RRP7A: variants seen among roughly 807,000 people sequenced by gnomAD.
RRP7A encodes the protein ribosomal RNA processing 7 homolog A, also known as ribosomal RNA-processing protein 7 homolog A.
RRP7A carries 27 observed loss-of-function variants against 38.4 expected under a neutral mutation model. That is an observed-to-expected ratio of 0.70 (90% CI 0.52 to 0.97). The LOEUF (loss-of-function observed/expected upper bound fraction) is 0.97. Ranked by LOEUF, RRP7A falls within the 50% of genes least tolerant of loss-of-function variation. RRP7A has a pLI of 0.00. For missense variants in RRP7A, 327 were observed against 375.4 expected (o/e 0.87, Z 1.07); for synonymous variants, 124 against 150.3 (o/e 0.83, Z 1.28).
intron 1 of RRP7A, 50 bp downstream of exon 1, chr22:42,519,664 C>G: frequency 7.1e-7 from 1 of 1,410,458 alleles, no homozygotes; most frequent in Non-Finnish European, 9.3e-7. Flanking sequence ...CCCCAAACAC[C>G]TCCCGGCGAT....
chr22:42,513,900 C>A (rs1292859520), intron 6 of RRP7A, among the ~76,000 whole-genome samples: 1 of 151,996 alleles, frequency 6.6e-6, no homozygotes, highest in Non-Finnish European at 1.5e-5. Context: ...ATGCATCTGC[C>A]CCTAGGGGGT....
intron 2 of RRP7A, among the ~76,000 whole-genome samples, chr22:42,517,217 G>A (rs1309353066): frequency 6.6e-6 from 1 of 151,864 alleles, no homozygotes; most frequent in Non-Finnish European, 1.5e-5. Flanking sequence ...AGCGGAGGTT[G>A]CAGTGAGTTG....
intron 2 of RRP7A, among the ~76,000 whole-genome samples, chr22:42,517,711 G>C (rs955696059): frequency 6.6e-6 from 1 of 152,150 alleles, no homozygotes; most frequent in African/African-American, 2.4e-5. Context: ...GTAGAGACGG[G>C]ATTTCACCAT....
intron 1 of RRP7A, chr22:42,518,505 G>A (rs1345457251): frequency 4.6e-6 from 2 of 435,468 alleles, no homozygotes; most frequent in East Asian, 6.8e-5. Flanking sequence ...ACCTCTTCTC[G>A]TACCATCTTC....
rs1220237028 is a variant in RRP7A at position 42,510,609 on chromosome 22, C to A, written c.*2301G>T. ...GCGGTTCTAAGATGAACCCCAACAA[C>A]CCCCAACTCCTCACTTTCCAGAGCA... is the stretch of plus-strand genomic sequence containing the variant. On this transcript the variant is annotated 3_prime_UTR_variant, in exon 7 of 7. Coordinates refer to ENST00000323013, the MANE Select transcript of RRP7A (RefSeq NM_015703.5). 4.7e-6 allele frequency: 5 copies of A among 1,071,276 alleles called. No individual in the cohort carries two copies. In the East Asian group the frequency reaches 1.5e-4, roughly 31 times the overall value. The allele number at this position is 1,071,276 out of a possible 1,614,324, so 66.4% of individuals were successfully genotyped here. A position where few individuals can be genotyped will look rare whatever the true frequency, so the allele number is the denominator to read the frequency against.
At position 42,508,658 on chromosome 22, in the gene RRP7A, G is replaced by A. The variant is rs1201614788; in HGVS notation, c.*4252C>T. The stretch of plus-strand genomic sequence containing the variant: ...GGGACAGCGTGAGGTGCAGCCTATG[G>A]ACTGGGAAAGGGGTGTGGAAGGGCC... On this transcript the variant is annotated 3_prime_UTR_variant, in exon 7 of 7. Transcript: ENST00000323013. 6.6e-6 allele frequency among the ~76,000 whole-genome samples: 1 copy of A among 152,224 alleles called. No individual in the cohort carries two copies. Among genetic ancestry groups the A allele is most frequent in the Non-Finnish European group, 1.5e-5 (1 of 68,040 alleles).
chr22:42,513,978 G>A lies in RRP7A; in HGVS notation c.757+128C>T, dbSNP rs73888330. On this transcript the variant is annotated intron_variant, in intron 6 of 6. Transcript: ENST00000323013. ...TTCCACAGAGTCTGGTGCGAGCCCC[G>A]TGCTTAGGGACGCCCTCCCTCCTCG... The A allele has an allele frequency of 0.012, 9,313 of 790,128 alleles. 455 individuals are homozygous for A. In the African/African-American group the frequency reaches 0.13, roughly 11 times the overall value. 48.9% of individuals were successfully genotyped at this position (790,128 alleles called of 1,614,324 possible).
rs1325371354 is a variant in RRP7A at position 42,512,693 on chromosome 22, G to C, written c.*217C>G. On this transcript the variant is annotated 3_prime_UTR_variant, in exon 7 of 7. Transcript: ENST00000323013. ...AGCAGGAAGGACAAGTCCTCCTCTC[G>C]GCACGCCTGGGTCCCCAGGACTGCT... 23 of 611,250 alleles carry C rather than the reference G, an allele frequency of 3.8e-5. No homozygotes were observed. The East Asian group carries it at 5.8e-4, about 15-fold the overall frequency. 37.9% of individuals were successfully genotyped at this position (611,250 alleles called of 1,614,324 possible).
At position 42,509,115 on chromosome 22, in the gene RRP7A, G is replaced by T. The variant is rs775735351; in HGVS notation, c.*3795C>A. 9 of 1,614,162 alleles carry T rather than the reference G, an allele frequency of 5.6e-6. No individual in the cohort carries two copies. The South Asian group carries it at 9.9e-5, about 18-fold the overall frequency. On this transcript the variant is annotated 3_prime_UTR_variant, in exon 7 of 7. Transcript: ENST00000323013. ...GGCCCATGTCCTGTTGATCAAGTGA[G>T]TCTGGACCCATCCCCTTCAGTCACC... is the stretch of plus-strand genomic sequence containing the variant.
intron 6 of RRP7A, among the ~76,000 whole-genome samples, chr22:42,513,746 C>T (rs920079015): frequency 1.4e-4 from 22 of 151,802 alleles, no homozygotes; most frequent in African/African-American, 5.3e-4. Context: ...TACTCTGCAG[C>T]ACCTTCTCTG....
chr22:42,519,517 G>C (rs577101912), intron 1 of RRP7A, among the ~76,000 whole-genome samples, 197 bp downstream of exon 1: 10 of 152,266 alleles, frequency 6.6e-5, no homozygotes, highest in African/African-American at 2.2e-4. Flanking sequence ...CGCCCCGGGA[G>C]AGTGAGCAGG....
In RRP7A at chr22:42,511,245, C is replaced by T. The variant is rs900560838; in HGVS notation, c.*1665G>A. 3 of 151,802 alleles carry T rather than the reference C, an allele frequency of 2.0e-5. No individual in the cohort carries two copies. Among genetic ancestry groups the T allele is most frequent in the African/African-American group, 7.3e-5 (3 of 41,196 alleles). The allele number at this position is 151,802 out of a possible 1,614,324, so 9.4% of individuals were successfully genotyped here. On this transcript the variant is annotated 3_prime_UTR_variant, in exon 7 of 7. Transcript: ENST00000323013. ...AGGCTGGAGTGCAGTGGGAAGATCT[C>T]AGCTTACTGTAACCTCCACCTCCCG... is the stretch of plus-strand genomic sequence containing the variant.
In RRP7A at chr22:42,512,129, T is replaced by C; in HGVS notation, c.*781A>G. ...CCTCCCCTCTCCAGCGGTTCCAGTTTGTGGAAGTCCCAGGCAATCACTGTG... is the reference window on the plus strand; with the variant it reads ...CCTCCCCTCTCCAGCGGTTCCAGTTCGTGGAAGTCCCAGGCAATCACTGTG... On this transcript the variant is annotated 3_prime_UTR_variant, in exon 7 of 7. Coordinates refer to ENST00000323013, the MANE Select transcript of RRP7A (RefSeq NM_015703.5). The C allele has an allele frequency of 1.3e-6, 2 of 1,533,858 alleles. No individual in the cohort carries two copies. The highest frequency in any genetic ancestry group is 1.1e-5 in the South Asian group (1 of 90,302).
intron 4 of RRP7A, among the ~76,000 whole-genome samples, 172 bp from the exon 5 acceptor site, chr22:42,514,951 G>A (rs1484007412): frequency 6.6e-6 from 1 of 150,658 alleles, no homozygotes; most frequent in African/African-American, 2.5e-5. Flanking sequence ...CAGTATGCCT[G>A]TGCCGCTCTG....
intron 4 of RRP7A, 142 bp downstream of exon 4, chr22:42,515,009 C>A: frequency 1.6e-6 from 1 of 613,506 alleles, no homozygotes; most frequent in Non-Finnish European, 2.9e-6. Context: ...GACACAGCCC[C>A]ATGGTCCTCC....
In RRP7A at chr22:42,516,094, A is replaced by T; in HGVS notation, c.259T>A (p.Ser87Thr). 2 of 1,613,768 alleles carry T rather than the reference A, an allele frequency of 1.2e-6. No homozygotes were observed. The highest frequency in any genetic ancestry group is 1.7e-6 in the Non-Finnish European group (2 of 1,179,834). Residue 87 changes from serine to threonine, a missense_variant, in exon 3 of 7, where the codon TCT becomes ACT. By Grantham distance (58) the Ser-to-Thr change is moderately conservative. This residue lies in a region of RRP7A where 183 missense variants were observed against 141.8 expected (regional missense o/e 1.29). Transcript: ENST00000323013. ...TCCGGCTTCTCCTGCAACTCTACAG[A>T]CTGGACGAGGCCACAGGTGGACAGG... ...RLLSTCGLVQSVELQEKPDLA... is the reference protein window; with the variant it reads ...RLLSTCGLVQTVELQEKPDLA...
In RRP7A at chr22:42,509,850, G is replaced by GGGGTGTGTGTGTGTGTGTGT. The variant is rs1555985853; in HGVS notation, c.*3059_*3060insACACACACACACACACACCC. 5.3e-5 allele frequency: 3 copies of GGGGTGTGTGTGTGTGTGTGT among 56,866 alleles called. No homozygotes were observed. The highest frequency in any genetic ancestry group is 1.4e-4 in the African/African-American group (2 of 14,560). 3.5% of individuals were successfully genotyped at this position (56,866 alleles called of 1,614,324 possible). The stretch of plus-strand genomic sequence containing the variant: ...AAGCCTGTTGGGGGTGGGGGGGTGG[G>GGGGTGTGTGTGTGTGTGTGT]GTGTGTGTGTGTGTGTGTAAGCTCA... On this transcript the variant is annotated 3_prime_UTR_variant, in exon 7 of 7. Coordinates refer to ENST00000323013, the MANE Select transcript of RRP7A (RefSeq NM_015703.5).
Position 42,514,166 on chromosome 22 carries a change from G to C in RRP7A, c.697C>G (p.Arg233Gly). 2 of 1,613,220 alleles carry C rather than the reference G, an allele frequency of 1.2e-6. No homozygotes were observed. Among genetic ancestry groups the C allele is most frequent in the Non-Finnish European group, 8.5e-7 (1 of 1,179,818 alleles). The change falls in exon 6 of 7, where the codon CGC becomes GGC. Residue 233 changes from arginine to glycine, a missense_variant. Arg to Gly is a moderately radical substitution (Grantham distance 125). Coordinates refer to ENST00000323013, the MANE Select transcript of RRP7A (RefSeq NM_015703.5). ...AAGTTGAGCAGCTCTTTTCGGCTGC[G>C]CTTCCGTCTCTCCCTCTCCAGCACC... The part of the protein sequence containing the change: ...LRVLERERRK[R>G]SRKELLNFYA...
At chr22:42,517,494 A>G (rs1569261443) in intron 2 of RRP7A, among the ~76,000 whole-genome samples, 2 of 152,098 alleles carry the variant, frequency 1.3e-5, no homozygotes, top group African/African-American at 4.8e-5. Flanking sequence ...AATATGTAAA[A>G]ATGCCTTGGG....
Sources: gnomAD v4.1 joint callset for allele counts (sites outside exome capture counted in the v4.1 genomes callset) on GRCh38, gnomAD v4.1.1 for gene constraint, gnomAD v4.1.1 regional missense constraint, MANE v1.5 for transcripts, NCBI Gene and HGNC (gene_info 2026-07-23, HGNC 2026-07-21) for gene names.